The following CNGB1 variants were observed in gnomAD, a reference collection of about 807,000 sequenced individuals.
The protein encoded by CNGB1 is cyclic nucleotide gated channel subunit beta 1, also known as cyclic nucleotide-gated channel beta-1.
In CNGB1, 126 loss-of-function variants were observed where a neutral mutation model predicts 151.7. The observed-to-expected ratio is 0.83, with a 90% CI of 0.72 to 0.96. The LOEUF is 0.96. Among genes scored for constraint, CNGB1 ranks in the 40% least tolerant of loss-of-function variants. The pLI, the probability that CNGB1 is intolerant of heterozygous loss-of-function variation, is 0.00. For missense variants in CNGB1, 1,698 were observed against 1,627.0 expected (o/e 1.04, Z -0.75); for synonymous variants, 623 against 635.1 (o/e 0.98, Z 0.29).
At chr16:57,924,503 G>A (rs1192990289) in intron 17 of CNGB1, among the ~76,000 whole-genome samples, 1 of 152,196 alleles carries the variant, frequency 6.6e-6, no homozygotes, top group African/African-American at 2.4e-5. Flanking sequence ...ACTTCCATTA[G>A]CATTTAAAAC....
intron 14 of CNGB1, among the ~76,000 whole-genome samples, chr16:57,946,820 G>A (rs545375046): frequency 1.3e-4 from 20 of 152,268 alleles, no homozygotes; most frequent in African/African-American, 4.8e-4. Flanking sequence ...CACCAACTCT[G>A]TCACTCCCTT....
At chr16:57,963,140 G>C in intron 4 of CNGB1, 76 bp from the exon 5 acceptor site, 2 of 1,056,172 alleles carry the variant, frequency 1.9e-6, no homozygotes, top group Admixed American at 3.4e-5. Flanking sequence ...AAGACACTAG[G>C]TGAGTCTCTG....
chr16:57,920,651 A>T, intron 18 of CNGB1, 107 bp from the exon 19 acceptor site: 2 of 1,395,046 alleles, frequency 1.4e-6, no homozygotes, highest in Non-Finnish European at 2.0e-6. Flanking sequence ...CAGAGCCTGA[A>T]GGAGGTAAGT....
At chr16:57,916,537 T>C (rs2149364365) in intron 21 of CNGB1, among the ~76,000 whole-genome samples, 1 of 152,366 alleles carries the variant, frequency 6.6e-6, no homozygotes, top group Non-Finnish European at 1.5e-5. Context: ...ATCTCTTTAC[T>C]TTTTACTTTA....
At chr16:57,911,919 A>T in intron 24 of CNGB1, 44 bp from the exon 25 acceptor site, 1 of 1,607,848 alleles carries the variant, frequency 6.2e-7, no homozygotes, top group Non-Finnish European at 8.5e-7. Flanking sequence ...CGGAAGGGGG[A>T]GGTGAGGTAT....
rs528676333 is a variant in CNGB1, at chr16:57,924,823, G to A, written c.1536-1443C>T. ...TCATGAAATCTGATTGTTTAAAACT[G>A]TGTGGCACCTCCCCACTCTCTCTCA... On this transcript the variant is annotated intron_variant, in intron 17 of 32. Coordinates refer to ENST00000251102, the MANE Select transcript of CNGB1 (RefSeq NM_001297.5). 9.6e-4 allele frequency among the ~76,000 whole-genome samples: 146 copies of A among 152,142 alleles called. 1 individual carries two copies. Among genetic ancestry groups the A allele is most frequent in the African/African-American group, 3.5e-3 (144 of 41,516 alleles).
intron 21 of CNGB1, among the ~76,000 whole-genome samples, chr16:57,916,501 G>C (rs1455044945): frequency 6.6e-6 from 1 of 152,204 alleles, no homozygotes; most frequent in African/African-American, 2.4e-5. Context: ...ACTCTGATCA[G>C]GCCAGAAAAG....
At chr16:57,932,403 T>TC (rs2149372440) in intron 16 of CNGB1, among the ~76,000 whole-genome samples, 1 of 95,050 alleles carries the variant, frequency 1.1e-5, no homozygotes, top group East Asian at 2.3e-4. Flanking sequence ...AAAGATTCTT[T>TC]TTTTTTTTTT....
chr16:57,959,875 G>A lies in CNGB1; in HGVS notation c.761+13C>T, dbSNP rs1338061290. 2 of 1,512,146 alleles carry A rather than the reference G, an allele frequency of 1.3e-6. No individual in the cohort carries two copies. Among genetic ancestry groups the A allele is most frequent in the Non-Finnish European group, 1.8e-6 (2 of 1,129,596 alleles). 93.7% of individuals were successfully genotyped at this position (1,512,146 alleles called of 1,614,324 possible). ...GCTCCCTGGTGGGAGGCGCTGCATT[G>A]AGGGTGGCTCACCTGGCAGGGTCCC... On this transcript the variant is annotated intron_variant, in intron 10 of 32. Transcript: ENST00000251102.
At chr16:57,884,615 G>A (rs1331032989) in intron 32 of CNGB1, among the ~76,000 whole-genome samples, 158 bp from the exon 33 acceptor site, 1 of 152,120 alleles carries the variant, frequency 6.6e-6, no homozygotes, top group Non-Finnish European at 1.5e-5. Context: ...CCGCATCGGG[G>A]TTATTTAGGA....
rs982064664 is a variant in CNGB1, at chr16:57,958,292, C to T, written c.837+118G>A. 24 of 548,070 alleles carry T rather than the reference C, an allele frequency of 4.4e-5. No homozygotes were observed. In the East Asian group the frequency reaches 8.3e-4, roughly 19 times the overall value. The allele number at this position is 548,070 out of a possible 1,614,324, so 34.0% of individuals were successfully genotyped here. On this transcript the variant is annotated intron_variant, in intron 11 of 32. Coordinates refer to ENST00000251102, the MANE Select transcript of CNGB1 (RefSeq NM_001297.5). ...GTGGAATGAACGTGGGCCATGCAGA[C>T]AGGAAGGCTGGGGGAGCTGGGCTTC... is the stretch of plus-strand genomic sequence containing the variant.
At chr16:57,928,356 C>G (rs1194039900) in intron 17 of CNGB1, among the ~76,000 whole-genome samples, 4 of 152,168 alleles carry the variant, frequency 2.6e-5, no homozygotes, top group African/African-American at 9.7e-5. Flanking sequence ...TAGGGCCCAA[C>G]AAGAGGGGAT....
At position 57,939,512 on chromosome 16, in the gene CNGB1, T is replaced by G. The variant is rs1961606164; in HGVS notation, c.1290A>C (p.Glu430Asp). The G allele has an allele frequency of 6.2e-7, 1 of 1,613,910 alleles. No individual in the cohort carries two copies. The highest frequency in any genetic ancestry group is 8.5e-7 in the Non-Finnish European group (1 of 1,179,928). The change falls in exon 16 of 33, where the codon GAA (glutamate) becomes GAC (aspartate). Residue 430 changes from glutamate to aspartate, a missense_variant. Transcript: ENST00000251102. ...KAKEEAEEVA[E>D]EEAEKEPQDW... ...CCTGGGGCTCCTTTTCAGCCTCCTC[T>G]TCAGCCACCTCCTCGGCCTCCTCCT... is the stretch of plus-strand genomic sequence containing the variant.
At chr16:57,957,173 T>G (rs1414612064) in intron 12 of CNGB1, among the ~76,000 whole-genome samples, 168 bp downstream of exon 12, 2 of 152,164 alleles carry the variant, frequency 1.3e-5, no homozygotes, top group Non-Finnish European at 2.9e-5. Context: ...AGGTAGGGCC[T>G]GCAGAGCATG....
At chr16:57,955,288 T>C (rs1962056353) in intron 12 of CNGB1, 4 of 1,551,310 alleles carry the variant, frequency 2.6e-6, no homozygotes, top group Non-Finnish European at 1.7e-6. Context: ...GGCATCCTTC[T>C]TTCCTTCCAT....
chr16:57,917,256 C>T lies in CNGB1; in HGVS notation c.2166+12G>A. 2 of 1,609,284 alleles carry T rather than the reference C, an allele frequency of 1.2e-6. No individual in the cohort carries two copies. Among genetic ancestry groups the T allele is most frequent in the Non-Finnish European group, 1.7e-6 (2 of 1,177,614 alleles). On this transcript the variant is annotated intron_variant, in intron 21 of 32. Coordinates refer to ENST00000251102, the MANE Select transcript of CNGB1 (RefSeq NM_001297.5). ...CCCCCGGTCACCCCAACACCACCTG[C>T]CTGTGACTCACAATGATGTCCCCGC...
chr16:57,928,226 C>A (rs1337640864), intron 17 of CNGB1, among the ~76,000 whole-genome samples: 1 of 152,212 alleles, frequency 6.6e-6, no homozygotes, highest in Non-Finnish European at 1.5e-5. Flanking sequence ...CACTCAGCAA[C>A]AAATTTATCT....
Position 57,912,396 on chromosome 16 carries a change from G to A in CNGB1, c.2370-521C>T, listed in dbSNP as rs117836010. The stretch of plus-strand genomic sequence containing the variant: ...GTAAGCCCCTCGTGCCAGCTGATGT[G>A]CACCCTCATCACAATGAGGGGCATC... On this transcript the variant is annotated intron_variant, in intron 24 of 32. Coordinates refer to ENST00000251102, the MANE Select transcript of CNGB1 (RefSeq NM_001297.5). Among the ~76,000 whole-genome samples, 1,229 of 152,308 alleles carry A rather than the reference G, an allele frequency of 8.1e-3. 10 individuals carry two copies. Among genetic ancestry groups the A allele is most frequent in the Non-Finnish European group, 0.014 (943 of 68,028 alleles).
At chr16:57,923,499 C>T (rs749459473) in intron 17 of CNGB1, 119 bp from the exon 18 acceptor site, 84 of 816,310 alleles carry the variant, frequency 1.0e-4, no homozygotes, top group African/African-American at 1.4e-4. Flanking sequence ...GGATGGGGGG[C>T]GGAGCATGAA....
Sources: gnomAD v4.1 joint callset for allele counts (sites outside exome capture counted in the v4.1 genomes callset) on GRCh38, gnomAD v4.1.1 for gene constraint, MANE v1.5 for transcripts, NCBI Gene and HGNC (gene_info 2026-07-23, HGNC 2026-07-21) for gene names.